Variants in DNAH7 observed in about 807,000 individuals in gnomAD.
DNAH7 encodes the protein dynein axonemal heavy chain 7, also known as axonemal beta dynein heavy chain 7.
Under a neutral mutation model 444.6 loss-of-function variants are expected in DNAH7, and 397 were observed. The observed-to-expected ratio is 0.89, with a 90% CI of 0.82 to 0.97. The LOEUF (loss-of-function observed/expected upper bound fraction) is 0.97. Ranked by LOEUF, DNAH7 falls within the 50% of genes least tolerant of loss-of-function variation. DNAH7 has a pLI of 0.00. For missense variants in DNAH7, 4,902 were observed against 4,800.8 expected (o/e 1.02, Z -0.62); for synonymous variants, 1,636 against 1,624.4 (o/e 1.01, Z -0.17).
intron 61 of DNAH7, among the ~76,000 whole-genome samples, chr2:195,763,403 T>G (rs1098938): frequency 0.73 from 111,122 of 151,816 alleles, 40,809 homozygotes; most frequent in African/African-American, 0.77. Context: ...CAGGAAAAAT[T>G]AAATGAAGAA....
At chr2:195,764,738 C>T (rs1694496906) in intron 61 of DNAH7, among the ~76,000 whole-genome samples, 3 of 151,840 alleles carry the variant, frequency 2.0e-5, no homozygotes, top group South Asian at 2.1e-4. Context: ...TTGAAGAAGA[C>T]ACAGTAAAAT....
rs192589253 is a variant in DNAH7, at chr2:195,929,486, T to C, written c.3472-2920A>G. Among the ~76,000 whole-genome samples, 5 of 152,240 alleles carry C rather than the reference T, an allele frequency of 3.3e-5. No homozygotes were observed. In the East Asian group the frequency reaches 9.6e-4, roughly 29 times the overall value. On this transcript the variant is annotated intron_variant, in intron 21 of 64. Coordinates refer to ENST00000312428, the MANE Select transcript of DNAH7 (RefSeq NM_018897.3). Reference sequence around the variant, plus strand: ...AACTTCAAAGTATATTATAAGGCTATCATATCCAACACAGCATGGTATGTG... The same window carrying C: ...AACTTCAAAGTATATTATAAGGCTACCATATCCAACACAGCATGGTATGTG...
At chr2:195,935,891 C>A (rs947871536) in intron 20 of DNAH7, among the ~76,000 whole-genome samples, 1 of 151,892 alleles carries the variant, frequency 6.6e-6, no homozygotes, top group Admixed American at 6.6e-5. Flanking sequence ...CCCCTTTTAC[C>A]GGGGAATTGC....
Position 195,915,891 on chromosome 2 carries a change from G to C in DNAH7, c.3936-5696C>G, listed in dbSNP as rs966581231. ...AGATTATACATGAGAGCTCTGAATTGAGGATCAGATAATTGCTCAGCCACT... is the reference window on the plus strand; with the variant it reads ...AGATTATACATGAGAGCTCTGAATTCAGGATCAGATAATTGCTCAGCCACT... On this transcript the variant is annotated intron_variant, in intron 24 of 64. Coordinates refer to ENST00000312428, the MANE Select transcript of DNAH7 (RefSeq NM_018897.3). Among the ~76,000 whole-genome samples, 8 of 152,234 alleles carry C rather than the reference G, an allele frequency of 5.3e-5. 1 individual carries two copies. Among genetic ancestry groups the C allele is most frequent in the Non-Finnish European group, 8.8e-5 (6 of 68,044 alleles).
chr2:195,873,718 TTAA>T lies in DNAH7; in HGVS notation c.6287-27_6287-25del, dbSNP rs755243076. 2.6e-5 allele frequency: 39 copies of T among 1,492,920 alleles called. No individual in the cohort carries two copies. In the African/African-American group the frequency reaches 3.8e-4, roughly 15 times the overall value. The allele number at this position is 1,492,920 out of a possible 1,614,324, so 92.5% of individuals were successfully genotyped here. ...ACCTAAATATTAAAAAGTATAACTC[TTAA>T]TAATGTTACTAGTATATACAAGAGT... is the stretch of plus-strand genomic sequence containing the variant. On this transcript the variant is annotated intron_variant, in intron 38 of 64. Coordinates refer to ENST00000312428, the MANE Select transcript of DNAH7 (RefSeq NM_018897.3).
rs1559089792 is a variant in DNAH7, at chr2:195,778,661, T to TATACACACACACACAC, written c.10879-677_10879-676insGTGTGTGTGTGTGTAT. 3.4e-4 allele frequency among the ~76,000 whole-genome samples: 33 copies of TATACACACACACACAC among 97,782 alleles called. No individual in the cohort carries two copies. In the East Asian group the frequency reaches 4.1e-3, roughly 12 times the overall value. 64.1% of individuals were successfully genotyped at this position (97,782 alleles called of 152,430 possible). A position where few individuals can be genotyped will look rare whatever the true frequency, so the allele number is the denominator to read the frequency against. ...ATAAATAAATATATATATATATATA[T>TATACACACACACACAC]ATATATATACACACACACACATATA... On this transcript the variant is annotated intron_variant, in intron 58 of 64. Transcript: ENST00000312428.
intron 12 of DNAH7, among the ~76,000 whole-genome samples, chr2:195,996,657 C>T (rs1480600064): frequency 6.6e-6 from 1 of 152,070 alleles, no homozygotes; most frequent in African/African-American, 2.4e-5. Flanking sequence ...AACTCCTGAC[C>T]TCAGGTTATC....
At chr2:195,914,114 C>G (rs1383342267) in intron 24 of DNAH7, among the ~76,000 whole-genome samples, 2 of 152,172 alleles carry the variant, frequency 1.3e-5, no homozygotes, top group Non-Finnish European at 2.9e-5. Flanking sequence ...ATCTGTAGCA[C>G]CTAATGTTTA....
chr2:195,865,107 A>G, intron 40 of DNAH7, 86 bp from the exon 41 acceptor site: 1 of 1,348,700 alleles, frequency 7.4e-7, no homozygotes, highest in South Asian at 1.6e-5. Flanking sequence ...CTCAGGTAAT[A>G]AAAATATTAG....
At chr2:195,929,312 C>A (rs1210973697) in intron 21 of DNAH7, among the ~76,000 whole-genome samples, 1 of 152,062 alleles carries the variant, frequency 6.6e-6, no homozygotes, top group African/African-American at 2.4e-5. Flanking sequence ...AAGCAACCTA[C>A]AAATTCAACA....
chr2:195,914,666 T>G (rs986794640), intron 24 of DNAH7, among the ~76,000 whole-genome samples: 6 of 152,158 alleles, frequency 3.9e-5, no homozygotes, highest in Admixed American at 6.5e-5. Flanking sequence ...TTTATTTACT[T>G]ATTTATTTAT....
intron 6 of DNAH7, among the ~76,000 whole-genome samples, chr2:196,027,204 AAC>A (rs1199063436): frequency 6.6e-6 from 1 of 152,112 alleles, no homozygotes; most frequent in Non-Finnish European, 1.5e-5. Context: ...TGATGTACTT[AAC>A]AGAGTCCATG....
chr2:195,788,912 T>C (rs545869456), intron 57 of DNAH7, among the ~76,000 whole-genome samples: 1 of 152,364 alleles, frequency 6.6e-6, no homozygotes, highest in South Asian at 2.1e-4. Context: ...TATATTTGTG[T>C]ATGTGTGTAC....
chr2:195,906,453 C>CTTTT (rs397870111), intron 27 of DNAH7, among the ~76,000 whole-genome samples: 25 of 114,684 alleles, frequency 2.2e-4, no homozygotes, highest in East Asian at 4.9e-4. Flanking sequence ...TTCTTTCTTT[C>CTTTT]TTTTTTTTTT....
chr2:195,739,757 A>G (rs842734), intron 64 of DNAH7, among the ~76,000 whole-genome samples: 145,009 of 152,238 alleles, frequency 0.95, 69,339 homozygotes, highest in Non-Finnish European at 1. Flanking sequence ...CAGCATTGTC[A>G]CGCTCCTTGG....
intron 24 of DNAH7, among the ~76,000 whole-genome samples, chr2:195,919,935 C>A (rs1687922457): frequency 2.0e-5 from 3 of 152,092 alleles, no homozygotes; most frequent in Admixed American, 2.0e-4. Flanking sequence ...TTGTGTATAG[C>A]AAGCTTATAG....
At chr2:195,783,015 ACATTTTTAC>A in intron 58 of DNAH7, among the ~76,000 whole-genome samples, 1 of 152,160 alleles carries the variant, frequency 6.6e-6, no homozygotes, top group East Asian at 1.9e-4. Flanking sequence ...AGCCTAAAAG[ACATTTTTAC>A]CTGGATATCC....
chr2:195,949,076 A>G (rs369418834), intron 19 of DNAH7, among the ~76,000 whole-genome samples: 2 of 152,268 alleles, frequency 1.3e-5, no homozygotes, highest in East Asian at 3.9e-4. Context: ...GAGTTCGCTC[A>G]TGATTTGGCT....
intron 19 of DNAH7, among the ~76,000 whole-genome samples, chr2:195,947,191 T>C (rs1689873158): frequency 6.6e-6 from 1 of 150,488 alleles, no homozygotes; most frequent in Admixed American, 6.6e-5. Flanking sequence ...GAGACGGGGT[T>C]TCACCATGTT....
Sources: allele counts gnomAD v4.1 joint callset (sites outside exome capture counted in the v4.1 genomes callset), GRCh38; gene constraint gnomAD v4.1.1; transcripts MANE v1.5; gene names NCBI Gene and HGNC (gene_info 2026-07-23, HGNC 2026-07-21).